MAN1B1: variants seen among roughly 807,000 people sequenced by gnomAD.
The protein encoded by MAN1B1 is endoplasmic reticulum mannosyl-oligosaccharide 1,2-alpha-mannosidase.
A neutral mutation model predicts 75.5 loss-of-function variants in MAN1B1; 66 were observed. That is an observed-to-expected ratio of 0.87 (90% CI 0.72 to 1.07). The LOEUF (loss-of-function observed/expected upper bound fraction) is 1.07, where lower values mean the gene tolerates loss of function less well. MAN1B1 is among the 50% of genes least tolerant of loss of function. The pLI, the probability that MAN1B1 is intolerant of heterozygous loss-of-function variation, is 0.00. For synonymous variants in MAN1B1, 453 were observed against 382.8 expected, an observed-to-expected ratio of 1.18 and a Z score of -2.14; for missense variants, 973 against 912.5, an observed-to-expected ratio of 1.07 and a Z score of -0.85.
intron 4 of MAN1B1, among the ~76,000 whole-genome samples, chr9:137,097,172 G>T (rs891794952): frequency 6.6e-6 from 1 of 152,212 alleles, no homozygotes; most frequent in East Asian, 1.9e-4. Flanking sequence ...ATGCAAGGAC[G>T]CTTTACTTCC....
rs968913116 is a variant in MAN1B1, at chr9:137,109,155, C to T, written c.*564C>T. 12 of 454,474 alleles carry T rather than the reference C, an allele frequency of 2.6e-5. No individual in the cohort carries two copies. The highest frequency in any genetic ancestry group is 7.0e-5 in the Admixed American group (3 of 42,554). 28.2% of individuals were successfully genotyped at this position (454,474 alleles called of 1,614,324 possible). A position where few individuals can be genotyped will look rare whatever the true frequency, so the allele number is the denominator to read the frequency against. On this transcript the variant is annotated 3_prime_UTR_variant, in exon 13 of 13. Coordinates refer to ENST00000371589, the MANE Select transcript of MAN1B1 (RefSeq NM_016219.5). ...GCCCCTCCAGTGGAATGGGTCTTTT[C>T]GGTGGAGATAAAAGTTGATTTGCTC... is the stretch of plus-strand genomic sequence containing the variant.
chr9:137,101,716 T>TA, intron 8 of MAN1B1, 44 bp downstream of exon 8: 1 of 1,581,728 alleles, frequency 6.3e-7, no homozygotes, highest in South Asian at 1.1e-5. Flanking sequence ...CCCCTGGAGC[T>TA]ACCTTTTGCT....
chr9:137,089,643 C>T (rs1314098578), intron 3 of MAN1B1, among the ~76,000 whole-genome samples: 2 of 152,094 alleles, frequency 1.3e-5, no homozygotes, highest in African/African-American at 2.4e-5. Flanking sequence ...AAGATTTTGG[C>T]GTGGACTGGA....
At chr9:137,100,646 G>C (rs1236061687) in intron 6 of MAN1B1, among the ~76,000 whole-genome samples, 10 of 152,192 alleles carry the variant, frequency 6.6e-5, no homozygotes, top group African/African-American at 2.4e-4. Context: ...TGGAGACAGA[G>C]TCTAGTGGTG....
At chr9:137,100,453 T>C (rs149350987) in intron 6 of MAN1B1, among the ~76,000 whole-genome samples, 1,590 of 152,148 alleles carry the variant, frequency 0.01, 15 homozygotes, top group Non-Finnish European at 0.018. Context: ...TTTACCCCCT[T>C]GAGATAGGAG....
intron 10 of MAN1B1, 76 bp from the exon 11 acceptor site, chr9:137,107,174 C>T: frequency 1.3e-6 from 2 of 1,504,086 alleles, no homozygotes; most frequent in South Asian, 2.4e-5. Flanking sequence ...GCTGGGCTCC[C>T]ACGTTGGCTG....
chr9:137,099,409 G>C (rs1489478543), intron 5 of MAN1B1, among the ~76,000 whole-genome samples: 2 of 152,262 alleles, frequency 1.3e-5, no homozygotes, highest in African/African-American at 4.8e-5. Flanking sequence ...GCCTGCCCAG[G>C]CGCCAGGTGG....
chr9:137,087,705 TC>T (rs891346586), intron 1 of MAN1B1: 1 of 405,796 alleles, frequency 2.5e-6, no homozygotes, highest in Admixed American at 3.9e-5. Context: ...GTCGCAGGAG[TC>T]TTTCTCCACT....
chr9:137,089,318 AG>A (rs1370227880), intron 3 of MAN1B1: 1 of 423,620 alleles, frequency 2.4e-6, no homozygotes, highest in Admixed American at 3.5e-5. Context: ...AGATGGGCAG[AG>A]GCAGATGGCA....
chr9:137,088,024 G>T (rs1261292977), intron 1 of MAN1B1, 51 bp from the exon 2 acceptor site: 1 of 1,360,490 alleles, frequency 7.4e-7, no homozygotes, highest in Non-Finnish European at 1.1e-6. Context: ...CAGTTGAGAC[G>T]TTCCGTGTGA....
intron 1 of MAN1B1, 152 bp from the exon 2 acceptor site, chr9:137,087,923 C>A: frequency 1.4e-6 from 1 of 702,314 alleles, no homozygotes; most frequent in South Asian, 1.6e-5. Context: ...CTAGGTGTAA[C>A]AGAATGAGAC....
Position 137,106,915 on chromosome 9 carries a change from C to T in MAN1B1, c.1566+106C>T, listed in dbSNP as rs535882299. 4.0e-6 allele frequency: 6 copies of T among 1,481,902 alleles called. No individual in the cohort carries two copies. In the South Asian group the frequency reaches 5.0e-5, roughly 12 times the overall value. 91.8% of individuals were successfully genotyped at this position (1,481,902 alleles called of 1,614,324 possible). On this transcript the variant is annotated intron_variant, in intron 10 of 12. Transcript: ENST00000371589. ...AACGAAATCCTGGCCATGGCGCCCACGTGGAGGCCCTGGGTGGACCGTGGC... is the reference window on the plus strand; with the variant it reads ...AACGAAATCCTGGCCATGGCGCCCATGTGGAGGCCCTGGGTGGACCGTGGC...
Position 137,096,265 on chromosome 9 carries a change from C to T in MAN1B1, c.494C>T (p.Pro165Leu). Reference sequence around the variant, plus strand: ...ACACAAAGACACATCCAGCGGGGACCACCTCACCTGCAGATTAGACCCCCA... The same window carrying T: ...ACACAAAGACACATCCAGCGGGGACTACCTCACCTGCAGATTAGACCCCCA... ...QKTQRHIQRG[P>L]PHLQIRPPSQ... The change falls in exon 4 of 13, where the codon CCA becomes CTA. Residue 165 changes from proline (P) to leucine (L), a missense_variant. Transcript: ENST00000371589. The T allele has an allele frequency of 6.2e-7, 1 of 1,614,112 alleles. No individual in the cohort carries two copies. Among genetic ancestry groups the T allele is most frequent in the Non-Finnish European group, 8.5e-7 (1 of 1,180,020 alleles).
intron 12 of MAN1B1, 110 bp downstream of exon 12, chr9:137,107,772 G>C: frequency 6.6e-7 from 1 of 1,526,556 alleles, no homozygotes; most frequent in Non-Finnish European, 9.0e-7. Context: ...ACCTGGATCC[G>C]GGAGGGGCGG....
chr9:137,105,547 C>T (rs1448661674), intron 8 of MAN1B1: 4 of 278,676 alleles, frequency 1.4e-5, no homozygotes, highest in South Asian at 3.2e-5. Context: ...GGTAGAGACC[C>T]GGAGCGCCCT....
In MAN1B1 at chr9:137,097,823, C is replaced by T. The variant is rs200585294; in HGVS notation, c.621-5C>T. The T allele has an allele frequency of 1.0e-4, 156 of 1,548,218 alleles. No individual in the cohort carries two copies. The East Asian group carries it at 2.1e-3, about 21-fold the overall frequency. On this transcript the variant is annotated splice_region_variant and splice_polypyrimidine_tract_variant and intron_variant, in intron 4 of 12. Coordinates refer to ENST00000371589, the MANE Select transcript of MAN1B1 (RefSeq NM_016219.5). ...GCAGCTGACACCCTTCCTTCTCCCC[C>T]GAAGCTGGAGGGGAGCGGTGATCGA...
chr9:137,106,274 C>G lies in MAN1B1; in HGVS notation c.1404C>G (p.Tyr468Ter). The change falls in exon 9 of 13, where the codon TAC (tyrosine) becomes TAG (stop). Residue 468 changes from tyrosine (Y) to a stop codon, truncating the protein, a stop_gained. Transcript: ENST00000371589. LOFTEE classifies it high-confidence loss of function. Reference protein sequence around the residue: ...LGARADSYYEYLLKQWIQGGK... With the variant: ...LGARADSYYE ...CCAGGGCCGACAGCTACTATGAGTA[C>G]CTGCTGAAGCAGTGGATCCAGGGCG... 6.4e-7 allele frequency: 1 copy of G among 1,565,572 alleles called. No individual in the cohort carries two copies. Among genetic ancestry groups the G allele is most frequent in the Non-Finnish European group, 8.7e-7 (1 of 1,155,318 alleles).
chr9:137,106,498 C>T lies in MAN1B1; in HGVS notation c.1445+183C>T, dbSNP rs995718873. 4.0e-6 allele frequency: 4 copies of T among 992,988 alleles called. No homozygotes were observed. In the East Asian group the frequency reaches 1.0e-4, roughly 26 times the overall value. The allele number at this position is 992,988 out of a possible 1,614,324, so 61.5% of individuals were successfully genotyped here. On this transcript the variant is annotated intron_variant, in intron 9 of 12. Transcript: ENST00000371589. ...ATGTGGAGGGCGTATTCATTCACCT[C>T]TCACCGTGGCCTCTGGGGGGGTGAG...
chr9:137,087,393 G>C, intron 1 of MAN1B1, 175 bp downstream of exon 1: 1 of 846,122 alleles, frequency 1.2e-6, no homozygotes. Flanking sequence ...AGCCGTGGGC[G>C]GCTCGCCTGC....
Sources: allele counts gnomAD v4.1 joint callset (sites outside exome capture counted in the v4.1 genomes callset), GRCh38; gene constraint gnomAD v4.1.1; transcripts MANE v1.5; gene names NCBI Gene and HGNC (gene_info 2026-07-23, HGNC 2026-07-21).